SCRN1: variants seen among roughly 807,000 people sequenced by gnomAD.
The protein encoded by SCRN1 is secernin 1.
SCRN1 carries 19 observed loss-of-function variants against 43.3 expected under a neutral mutation model. The observed-to-expected ratio is 0.44, with a 90% CI of 0.31 to 0.64. The LOEUF is 0.64. Among genes scored for constraint, SCRN1 ranks in the 30% least tolerant of loss-of-function variants. SCRN1 has a pLI of 0.09. For missense variants in SCRN1, 447 were observed against 524.1 expected (o/e 0.85, Z 1.44); for synonymous variants, 183 against 188.9 (o/e 0.97, Z 0.26).
Position 29,955,214 on chromosome 7 carries a change from G to T in SCRN1, c.306C>A (p.Ala102=). 6.2e-7 allele frequency: 1 copy of T among 1,614,084 alleles called. No individual in the cohort carries two copies. Among genetic ancestry groups the T allele is most frequent in the Non-Finnish European group, 8.5e-7 (1 of 1,180,020 alleles). The part of the protein sequence containing the change: ...NEAINTREPA[A]EIEALLGMDL... ...CCATCCCCAGCAAGGCTTCTATCTCGGCAGCTGGCTCTCTGGTGTTGATGG... is the reference window on the plus strand; with the variant it reads ...CCATCCCCAGCAAGGCTTCTATCTCTGCAGCTGGCTCTCTGGTGTTGATGG... Residue 102 remains alanine, a synonymous_variant, in exon 3 of 8, where the codon GCC becomes GCA. Transcript: ENST00000242059.
chr7:29,927,016 T>C (rs1583646873), intron 6 of SCRN1, among the ~76,000 whole-genome samples: 3 of 151,626 alleles, frequency 2.0e-5, no homozygotes, highest in African/African-American at 4.8e-5. Flanking sequence ...AATACCGTGG[T>C]CTGAGAAGCA....
intron 1 of SCRN1, among the ~76,000 whole-genome samples, chr7:29,986,328 T>G (rs1420040841): frequency 6.6e-6 from 1 of 152,250 alleles, no homozygotes; most frequent in African/African-American, 2.4e-5. Flanking sequence ...ATGGAATTAT[T>G]TTTAGTAATA....
At position 29,944,008 on chromosome 7, in the gene SCRN1, T is replaced by C. The variant is rs527903959; in HGVS notation, c.513A>G (p.Ile171Met). Residue 171 changes from isoleucine to methionine, a missense_variant, in exon 4 of 8, where the codon ATA becomes ATG. By Grantham distance (10) the Ile-to-Met change is conservative (BLOSUM62 1). Transcript: ENST00000242059. ...CTTTCTCGGCAGCCCAGTACTTCCC[T>C]ATGGTCTCGAGCACCCAGGCTTCAT... ...DRDEAWVLET[I>M]GKYWAAEKVT... The C allele has an allele frequency of 4.6e-5, 75 of 1,614,076 alleles. No homozygotes were observed. Among genetic ancestry groups the C allele is most frequent in the Non-Finnish European group, 6.2e-5 (73 of 1,180,038 alleles).
chr7:29,935,963 C>T (rs1450571446), intron 6 of SCRN1, among the ~76,000 whole-genome samples: 1 of 152,180 alleles, frequency 6.6e-6, no homozygotes, highest in African/African-American at 2.4e-5. Context: ...ATTCACAATC[C>T]TGGCAGGTCA....
At chr7:29,937,475 T>C (rs1226203640) in intron 5 of SCRN1, among the ~76,000 whole-genome samples, 1 of 152,122 alleles carries the variant, frequency 6.6e-6, no homozygotes, top group Non-Finnish European at 1.5e-5. Flanking sequence ...CTACGTTAAT[T>C]TGGGGTGTCT....
At chr7:29,974,473 A>G (rs969202587) in intron 1 of SCRN1, among the ~76,000 whole-genome samples, 9 of 152,172 alleles carry the variant, frequency 5.9e-5, no homozygotes, top group African/African-American at 1.4e-4. Flanking sequence ...AAAACTGGCC[A>G]GTCTGGAAGC....
intron 2 of SCRN1, among the ~76,000 whole-genome samples, chr7:29,957,804 G>A (rs1788182376): frequency 6.6e-6 from 1 of 152,192 alleles, no homozygotes; most frequent in East Asian, 1.9e-4. Flanking sequence ...AGAGCTAAGG[G>A]CTTAAGAGAG....
At chr7:29,973,472 C>T (rs995732600) in intron 1 of SCRN1, among the ~76,000 whole-genome samples, 3 of 152,186 alleles carry the variant, frequency 2.0e-5, no homozygotes, top group Admixed American at 6.5e-5. Context: ...GGCCTGAAGG[C>T]CCTGCAACTG....
chr7:29,943,079 A>C (rs1380234191), intron 4 of SCRN1, among the ~76,000 whole-genome samples: 1 of 152,196 alleles, frequency 6.6e-6, no homozygotes, highest in Non-Finnish European at 1.5e-5. Context: ...CTTGGAAGAG[A>C]CTTCCTGGTA....
intron 3 of SCRN1, among the ~76,000 whole-genome samples, chr7:29,948,890 C>T (rs897715551): frequency 6.6e-6 from 1 of 152,140 alleles, no homozygotes; most frequent in Non-Finnish European, 1.5e-5. Context: ...ACAGCGCTGC[C>T]CCTTCCCTCC....
At position 29,989,650 on chromosome 7, in the gene SCRN1, G is replaced by A; in HGVS notation, c.-10C>T. The stretch of plus-strand genomic sequence containing the variant: ...TCCCAGACGCGGCTCACCTGGGGCG[G>A]CGGGCTCCGGGCTCCGCTCTCCGCT... On this transcript the variant is annotated 5_prime_UTR_variant, in exon 1 of 8. Coordinates refer to ENST00000242059, the MANE Select transcript of SCRN1 (RefSeq NM_014766.5). 1 of 985,710 alleles carries A rather than the reference G, an allele frequency of 1.0e-6. No homozygotes were observed. The highest frequency in any genetic ancestry group is 1.2e-6 in the Non-Finnish European group (1 of 830,160). The allele number at this position is 985,710 out of a possible 1,614,324, so 61.1% of individuals were successfully genotyped here.
At chr7:29,945,874 G>A (rs1011214644) in intron 3 of SCRN1, among the ~76,000 whole-genome samples, 5 of 152,308 alleles carry the variant, frequency 3.3e-5, no homozygotes, top group East Asian at 1.9e-4. Flanking sequence ...GAACACAGGA[G>A]TCTTAGAACC....
At chr7:29,939,091 T>C (rs1156451003) in intron 5 of SCRN1, among the ~76,000 whole-genome samples, 1 of 152,218 alleles carries the variant, frequency 6.6e-6, no homozygotes, top group African/African-American at 2.4e-5. Context: ...ATTTTGATTT[T>C]TTAAAAGCTC....
intron 1 of SCRN1, among the ~76,000 whole-genome samples, chr7:29,975,292 T>C (rs764824743): frequency 8.5e-5 from 13 of 152,210 alleles, no homozygotes; most frequent in Non-Finnish European, 1.9e-4. Context: ...ACAGAGTTTG[T>C]CCAGAAATAA....
chr7:29,970,267 C>T (rs1322797187), intron 1 of SCRN1, among the ~76,000 whole-genome samples: 5 of 152,094 alleles, frequency 3.3e-5, no homozygotes, highest in African/African-American at 9.7e-5. Flanking sequence ...TACCACTCAC[C>T]CCTCCACTCT....
chr7:29,963,363 G>A (rs140328009), intron 2 of SCRN1, among the ~76,000 whole-genome samples: 1 of 152,288 alleles, frequency 6.6e-6, no homozygotes, highest in Non-Finnish European at 1.5e-5. Flanking sequence ...TATTGGTGTT[G>A]AGGCCTGGAA....
intron 1 of SCRN1, among the ~76,000 whole-genome samples, chr7:29,983,161 G>T (rs193093425): frequency 3.8e-3 from 580 of 151,988 alleles, no homozygotes; most frequent in South Asian, 6.9e-3. Flanking sequence ...TCTTTGGTGT[G>T]AGCTTTTTTT....
At chr7:29,984,363 CAT>C (rs1195547618) in intron 1 of SCRN1, among the ~76,000 whole-genome samples, 3 of 151,618 alleles carry the variant, frequency 2.0e-5, no homozygotes, top group African/African-American at 7.3e-5. Context: ...CAAGCAAAAA[CAT>C]AAACTCAATT....
chr7:29,934,914 G>A (rs1034625036), intron 6 of SCRN1, among the ~76,000 whole-genome samples: 2 of 152,178 alleles, frequency 1.3e-5, no homozygotes, highest in Non-Finnish European at 2.9e-5. Context: ...CACGGCTCTA[G>A]CCCGTGGTCA....
Sources: gnomAD v4.1 joint callset for allele counts (sites outside exome capture counted in the v4.1 genomes callset) on GRCh38, gnomAD v4.1.1 for gene constraint, MANE v1.5 for transcripts, NCBI Gene and HGNC (gene_info 2026-07-23, HGNC 2026-07-21) for gene names.